Variants in GSAP observed in about 807,000 individuals in gnomAD.
GSAP encodes gamma-secretase activating protein.
A neutral mutation model predicts 131.7 loss-of-function variants in GSAP; 118 were observed. The ratio of observed to expected loss-of-function variants is 0.90; its 90% CI spans 0.77 to 1.04. The LOEUF is 1.04. Ranked by LOEUF, GSAP falls within the 50% of genes least tolerant of loss-of-function variation. The pLI is 0.00. For synonymous variants in GSAP, 381 were observed against 363.4 expected, an observed-to-expected ratio of 1.05 and a Z score of -0.55; for missense variants, 1,019 against 1,013.2, an observed-to-expected ratio of 1.01 and a Z score of -0.08.
At position 77,390,956 on chromosome 7, in the gene GSAP, A is replaced by T. The variant is rs1388620976; in HGVS notation, c.368-3508T>A. Among the ~76,000 whole-genome samples, 5 of 110,356 alleles carry T rather than the reference A, an allele frequency of 4.5e-5. 1 individual carries two copies. The highest frequency in any genetic ancestry group is 4.2e-3 in the Middle Eastern group (1 of 238). 72.4% of individuals were successfully genotyped at this position (110,356 alleles called of 152,430 possible). ...GAGCGAGACTCCGTCTAAAAAAAAA[A>T]AAAAAAAAAAAAAAAAAAAAAAAAA... On this transcript the variant is annotated intron_variant, in intron 5 of 30. Transcript: ENST00000257626.
intron 19 of GSAP, among the ~76,000 whole-genome samples, chr7:77,334,856 G>A (rs963238862): frequency 2.6e-5 from 4 of 152,094 alleles, no homozygotes; most frequent in South Asian, 4.2e-4. Context: ...AGACCGAGGC[G>A]GGTGGATCAC....
chr7:77,388,413 G>A (rs1386484115), intron 5 of GSAP, among the ~76,000 whole-genome samples: 1 of 152,192 alleles, frequency 6.6e-6, no homozygotes, highest in Non-Finnish European at 1.5e-5. Context: ...CAGGGACAGT[G>A]GTATAGCACT....
At chr7:77,338,434 G>A (rs945079497) in intron 19 of GSAP, among the ~76,000 whole-genome samples, 3 of 152,088 alleles carry the variant, frequency 2.0e-5, no homozygotes, top group African/African-American at 7.2e-5. Flanking sequence ...TGATTTAACC[G>A]GTTTATTCTG....
At chr7:77,404,663 T>C (rs770437600) in intron 2 of GSAP, 48 bp from the exon 3 acceptor site, 1 of 1,096,960 alleles carries the variant, frequency 9.1e-7, no homozygotes, top group East Asian at 2.4e-5. Context: ...GTTTAGGAAG[T>C]TAGAATGTTA....
chr7:77,317,136 C>T (rs1795049503), intron 26 of GSAP, among the ~76,000 whole-genome samples: 2 of 152,046 alleles, frequency 1.3e-5, no homozygotes, highest in African/African-American at 4.8e-5. Context: ...ATTTCCATGT[C>T]ACATGATGGA....
chr7:77,315,689 T>C (rs1794896645), intron 26 of GSAP: 1 of 152,216 alleles, frequency 6.6e-6, no homozygotes, highest in Non-Finnish European at 1.5e-5. Flanking sequence ...AACTGGCAGC[T>C]GTGTTAATAG....
chr7:77,379,310 T>C (rs1797444945), intron 8 of GSAP, among the ~76,000 whole-genome samples: 2 of 151,684 alleles, frequency 1.3e-5, no homozygotes, highest in South Asian at 4.2e-4. Context: ...GGGATAAGCC[T>C]AATACCATCT....
In GSAP at chr7:77,376,126, G is replaced by A. The variant is rs74302370; in HGVS notation, c.741+722C>T. ...TCCACCATCCTCACAAGTCCTTTTGGGTCAAATAACTTATAACCCCTTAAA... is the reference window on the plus strand; with the variant it reads ...TCCACCATCCTCACAAGTCCTTTTGAGTCAAATAACTTATAACCCCTTAAA... On this transcript the variant is annotated intron_variant, in intron 10 of 30. Transcript: ENST00000257626. 7.2e-5 allele frequency among the ~76,000 whole-genome samples: 11 copies of A among 151,990 alleles called. No homozygotes were observed. In the East Asian group the frequency reaches 1.9e-3, roughly 27 times the overall value.
At chr7:77,377,606 T>C (rs1307912453) in intron 8 of GSAP, among the ~76,000 whole-genome samples, 2 of 152,180 alleles carry the variant, frequency 1.3e-5, no homozygotes, top group Non-Finnish European at 2.9e-5. Context: ...CCACGTATAA[T>C]ATATGATTTT....
chr7:77,386,727 G>A (rs1024044863), intron 6 of GSAP, among the ~76,000 whole-genome samples: 2 of 152,160 alleles, frequency 1.3e-5, no homozygotes, highest in African/African-American at 4.8e-5. Flanking sequence ...ATGGAACTAG[G>A]CCATGAAAAC....
At chr7:77,349,666 A>G (rs1020765604) in intron 18 of GSAP, among the ~76,000 whole-genome samples, 2 of 149,744 alleles carry the variant, frequency 1.3e-5, no homozygotes, top group Non-Finnish European at 3.0e-5. Context: ...TTACAAAGAA[A>G]TAGAGAGCAA....
chr7:77,317,188 G>A (rs1228790457), intron 26 of GSAP, among the ~76,000 whole-genome samples: 1 of 152,130 alleles, frequency 6.6e-6, no homozygotes, highest in Non-Finnish European at 1.5e-5. Context: ...GGAATACTAT[G>A]CAGCCATAAA....
At chr7:77,412,604 A>G (rs58369975) in intron 1 of GSAP, among the ~76,000 whole-genome samples, 1,701 of 152,152 alleles carry the variant, frequency 0.011, 38 homozygotes, top group African/African-American at 0.039. Context: ...AACACGTGAT[A>G]AAGAACTATA....
chr7:77,416,483 G>T, upstream of GSAP: 1 of 426,970 alleles, frequency 2.3e-6, no homozygotes, highest in Non-Finnish European at 4.1e-6. Flanking sequence ...AGAAGCTCCG[G>T]CACCAGCTCC....
At position 77,330,338 on chromosome 7, in the gene GSAP, T is replaced by C. The variant is rs1788913593; in HGVS notation, c.1575A>G (p.Lys525=). 6.2e-7 allele frequency: 1 copy of C among 1,613,532 alleles called. No homozygotes were observed. Among genetic ancestry groups the C allele is most frequent in the Non-Finnish European group, 8.5e-7 (1 of 1,179,778 alleles). The change falls in exon 20 of 31, where the codon AAA becomes AAG. Residue 525 remains lysine, a synonymous_variant. Coordinates refer to ENST00000257626, the MANE Select transcript of GSAP (RefSeq NM_017439.4). The part of the protein sequence containing the change: ...KVLSFKGYWE[K]LNSNLEYVKY... ...TAACATATTCTAGGTTGGAGTTCAG[T>C]TTTTCCCAGTAGCCCTTAAAGCTGA...
At chr7:77,319,972 A>G (rs1420149564) in intron 26 of GSAP, among the ~76,000 whole-genome samples, 1 of 152,192 alleles carries the variant, frequency 6.6e-6, no homozygotes, top group Non-Finnish European at 1.5e-5. Flanking sequence ...CATTGTACCT[A>G]TATTTAACAA....
intron 5 of GSAP, among the ~76,000 whole-genome samples, chr7:77,391,738 G>A (rs1799582373): frequency 6.6e-6 from 1 of 152,158 alleles, no homozygotes; most frequent in African/African-American, 2.4e-5. Context: ...AGAAGGTTGA[G>A]GTGGGAAGAT....
At chr7:77,376,667 C>T (rs1473641436) in intron 10 of GSAP, among the ~76,000 whole-genome samples, 181 bp downstream of exon 10, 1 of 151,266 alleles carries the variant, frequency 6.6e-6, no homozygotes, top group East Asian at 1.9e-4. Context: ...GTCCTAGCTA[C>T]TCAGGAGGCT....
rs745898869 is a variant in GSAP, at chr7:77,330,327, T to C, written c.1586A>G (p.Asn529Ser). Residue 529 changes from asparagine (N) to serine (S), a missense_variant, in exon 20 of 31, where the codon AAC becomes AGC. Asn to Ser is a conservative substitution (Grantham distance 46, BLOSUM62 1). Coordinates refer to ENST00000257626, the MANE Select transcript of GSAP (RefSeq NM_017439.4). ...FKGYWEKLNS[N>S]LEYVKYAKPH... is the part of the protein sequence containing the mutation. ...CTTGGCGTACTTAACATATTCTAGG[T>C]TGGAGTTCAGTTTTTCCCAGTAGCC... 3 of 1,613,908 alleles carry C rather than the reference T, an allele frequency of 1.9e-6. No individual in the cohort carries two copies. Among genetic ancestry groups the C allele is most frequent in the Non-Finnish European group, 2.5e-6 (3 of 1,179,868 alleles).
Sources: allele counts gnomAD v4.1 joint callset (sites outside exome capture counted in the v4.1 genomes callset), GRCh38; gene constraint gnomAD v4.1.1; transcripts MANE v1.5; gene names NCBI Gene and HGNC (gene_info 2026-07-23, HGNC 2026-07-21).